Variants in TMC7 observed in about 807,000 individuals in gnomAD.
TMC7 encodes the protein transmembrane channel like 7, also known as transmembrane channel-like protein 7.
TMC7 carries 54 observed loss-of-function variants against 82.9 expected under a neutral mutation model. That is an observed-to-expected ratio of 0.65 (90% CI 0.52 to 0.82). The LOEUF (loss-of-function observed/expected upper bound fraction) is 0.82. Ranked by LOEUF, TMC7 falls within the 40% of genes least tolerant of loss-of-function variation. The pLI is 0.00. For synonymous variants in TMC7, 350 were observed against 337.9 expected (o/e 1.04, Z -0.39); for missense variants, 820 against 901.2 (o/e 0.91, Z 1.15).
intron 12 of TMC7, among the ~76,000 whole-genome samples, chr16:19,051,406 C>T (rs981153862): frequency 6.7e-6 from 1 of 149,160 alleles, no homozygotes; most frequent in Non-Finnish European, 1.5e-5. Flanking sequence ...TCCCCCCTCC[C>T]CCCACACCAC....
At position 19,019,698 on chromosome 16, in the gene TMC7, G is replaced by A. The variant is rs187320784; in HGVS notation, c.461-1931G>A. On this transcript the variant is annotated intron_variant, in intron 3 of 15. Transcript: ENST00000304381. ...GCCACTATGTCTAGCTTCCTCTCTTGTGAAGTGGTAGGCTTTCTTCAGATT... is the reference window on the plus strand; with the variant it reads ...GCCACTATGTCTAGCTTCCTCTCTTATGAAGTGGTAGGCTTTCTTCAGATT... Among the ~76,000 whole-genome samples, 43 of 152,204 alleles carry A rather than the reference G, an allele frequency of 2.8e-4. 1 individual carries two copies. The highest frequency in any genetic ancestry group is 1.8e-3 in the Admixed American group (28 of 15,250).
At chr16:19,047,901 A>G (rs2142292293) in intron 12 of TMC7, among the ~76,000 whole-genome samples, 1 of 149,586 alleles carries the variant, frequency 6.7e-6, no homozygotes, top group South Asian at 2.1e-4. Flanking sequence ...GGGTTTCACC[A>G]TCTTGGCCAA....
chr16:19,055,757 C>T (rs1021293183), intron 13 of TMC7, among the ~76,000 whole-genome samples: 1 of 152,138 alleles, frequency 6.6e-6, no homozygotes, highest in Admixed American at 6.6e-5. Flanking sequence ...ATGTGCAGGA[C>T]GTGCAGGTTT....
Position 18,999,515 on chromosome 16 carries a change from C to T in TMC7, c.68-9657C>T, listed in dbSNP as rs138926630. Among the ~76,000 whole-genome samples, 220 of 152,312 alleles carry T rather than the reference C, an allele frequency of 1.4e-3. 1 individual carries two copies. The Middle Eastern group carries it at 0.02, about 14-fold the overall frequency. ...TCTCCTCCAAATAGAATGTAAGTTT[C>T]GTAAAAGCAGGGAAATGGTGTGTGG... is the stretch of plus-strand genomic sequence containing the variant. On this transcript the variant is annotated intron_variant, in intron 1 of 15. Coordinates refer to ENST00000304381, the MANE Select transcript of TMC7 (RefSeq NM_024847.4).
chr16:19,026,407 G>A (rs1383881851), intron 5 of TMC7, among the ~76,000 whole-genome samples: 3 of 151,512 alleles, frequency 2.0e-5, no homozygotes, highest in Non-Finnish European at 4.4e-5. Flanking sequence ...AACCTGGGAG[G>A]TGGAGCTTGC....
At chr16:19,051,546 A>T in intron 12 of TMC7, 140 bp from the exon 13 acceptor site, 2 of 938,842 alleles carry the variant, frequency 2.1e-6, no homozygotes, top group African/African-American at 1.7e-5. Flanking sequence ...AACCTTTTTC[A>T]TTTTGATCTG....
intron 1 of TMC7, 23 bp downstream of exon 1, chr16:18,984,153 C>CGG: frequency 6.7e-7 from 1 of 1,488,104 alleles, no homozygotes; most frequent in Non-Finnish European, 8.9e-7. Context: ...GGAGCGCGCG[C>CGG]GGGGACGGTG....
In TMC7 at chr16:19,029,199, G is replaced by A. The variant is rs954215406; in HGVS notation, c.712-1025G>A. The stretch of plus-strand genomic sequence containing the variant: ...TTTTTGTATTTTTAGTAGAGACGGG[G>A]TTTCACTGTGTTAGCCAGGATGGTT... On this transcript the variant is annotated intron_variant, in intron 5 of 15. Coordinates refer to ENST00000304381, the MANE Select transcript of TMC7 (RefSeq NM_024847.4). 2.0e-5 allele frequency among the ~76,000 whole-genome samples: 3 copies of A among 151,128 alleles called. No individual in the cohort carries two copies. The East Asian group carries it at 5.9e-4, about 30-fold the overall frequency.
intron 2 of TMC7, among the ~76,000 whole-genome samples, chr16:19,010,053 T>G (rs920277379): frequency 1.4e-5 from 2 of 139,982 alleles, no homozygotes; most frequent in Admixed American, 1.4e-4. Context: ...TTTCTTTTTC[T>G]TTCTTTCTTC....
rs1179527346 is a variant in TMC7 at position 19,014,443 on chromosome 16, C to T, written c.312-2007C>T. 2.6e-5 allele frequency among the ~76,000 whole-genome samples: 4 copies of T among 152,276 alleles called. No homozygotes were observed. The East Asian group carries it at 5.8e-4, about 22-fold the overall frequency. On this transcript the variant is annotated intron_variant, in intron 2 of 15. Transcript: ENST00000304381. ...ATAAGGAACCCAATGCACAGCACTGCGAGGCTCGTTTGGATGGAAGGTTCA... is the reference window on the plus strand; with the variant it reads ...ATAAGGAACCCAATGCACAGCACTGTGAGGCTCGTTTGGATGGAAGGTTCA...
At chr16:19,044,373 CCA>C (rs1210442293) in intron 9 of TMC7, among the ~76,000 whole-genome samples, 5 of 151,688 alleles carry the variant, frequency 3.3e-5, no homozygotes, top group African/African-American at 1.2e-4. Context: ...GTAGAGACGG[CCA>C]GGGGGTGGTG....
intron 6 of TMC7, among the ~76,000 whole-genome samples, chr16:19,034,204 C>T (rs1429633814): frequency 6.6e-6 from 1 of 152,116 alleles, no homozygotes; most frequent in African/African-American, 2.4e-5. Context: ...AGCCAGGGTA[C>T]CTGCTCTCAA....
intron 1 of TMC7, among the ~76,000 whole-genome samples, chr16:18,984,999 C>T (rs369760511): frequency 6.6e-6 from 1 of 152,138 alleles, no homozygotes; most frequent in African/African-American, 2.4e-5. Flanking sequence ...TGGTGGCTCA[C>T]GCCTGTAATC....
At chr16:18,984,167 C>G (rs1186283812) in intron 1 of TMC7, 37 bp downstream of exon 1, 3 of 1,474,550 alleles carry the variant, frequency 2.0e-6, no homozygotes, top group Non-Finnish European at 2.7e-6. Flanking sequence ...GACGGTGCCC[C>G]TGGGGTCCGA....
At chr16:19,041,880 G>T (rs1407959579) in intron 9 of TMC7, among the ~76,000 whole-genome samples, 1 of 152,006 alleles carries the variant, frequency 6.6e-6, no homozygotes, top group Non-Finnish European at 1.5e-5. Flanking sequence ...CTCCCCTTTT[G>T]TTAGGCCTTT....
chr16:18,989,311 T>G (rs1021708056), intron 1 of TMC7, among the ~76,000 whole-genome samples: 4 of 152,190 alleles, frequency 2.6e-5, no homozygotes, highest in Non-Finnish European at 5.9e-5. Flanking sequence ...CCCACCCGTC[T>G]GACTCGAGTT....
intron 12 of TMC7, among the ~76,000 whole-genome samples, chr16:19,051,415 A>G (rs532983687): frequency 1.5e-5 from 1 of 66,672 alleles, no homozygotes; most frequent in Non-Finnish European, 3.0e-5. Context: ...CCCCCACACC[A>G]CAACAGTCCC....
At chr16:19,004,187 A>T (rs2039194629) in intron 1 of TMC7, among the ~76,000 whole-genome samples, 1 of 152,172 alleles carries the variant, frequency 6.6e-6, no homozygotes, top group East Asian at 1.9e-4. Flanking sequence ...AAAAATAATG[A>T]TGCCTGTGTT....
chr16:19,004,035 AT>A (rs1198680928), intron 1 of TMC7, among the ~76,000 whole-genome samples: 390 of 21,390 alleles, frequency 0.018, 3 homozygotes, highest in African/African-American at 0.029. Context: ...CAATAAAAAA[AT>A]AAATTTAAAA....
Sources: allele counts gnomAD v4.1 joint callset (sites outside exome capture counted in the v4.1 genomes callset), GRCh38; gene constraint gnomAD v4.1.1; transcripts MANE v1.5; gene names NCBI Gene and HGNC (gene_info 2026-07-23, HGNC 2026-07-21).